Variants in ACAD8 observed in about 807,000 individuals in gnomAD.
The protein encoded by ACAD8 is acyl-CoA dehydrogenase family member 8, also known as isobutyryl-CoA dehydrogenase, mitochondrial.
In ACAD8, 47 loss-of-function variants were observed where a neutral mutation model predicts 53.1. The observed-to-expected ratio is 0.89, with a 90% CI of 0.70 to 1.13. ACAD8 has a LOEUF of 1.13. Among genes scored for constraint, ACAD8 ranks in the 50% most tolerant of loss-of-function variants. ACAD8 has a pLI of 0.00. For synonymous variants in ACAD8, 198 were observed against 201.3 expected (o/e 0.98, Z 0.14); for missense variants, 494 against 535.0 (o/e 0.92, Z 0.76).
At chr11:134,257,280 C>T (rs1226948600) in intron 3 of ACAD8, 23 bp downstream of exon 3, 2 of 1,613,662 alleles carry the variant, frequency 1.2e-6, no homozygotes, top group Admixed American at 3.3e-5. Flanking sequence ...GCTTGGAAGG[C>T]ACAATGAAGT....
chr11:134,253,633 G>A lies in ACAD8; in HGVS notation c.33G>A (p.Ala11=), dbSNP rs1038382557. 6 of 1,584,588 alleles carry A rather than the reference G, an allele frequency of 3.8e-6. No homozygotes were observed. Among genetic ancestry groups the A allele is most frequent in the Non-Finnish European group, 5.1e-6 (6 of 1,168,566 alleles). Residue 11 remains alanine (A), a synonymous_variant, in exon 1 of 11, where the codon GCG becomes GCA. Transcript: ENST00000281182. ...GGAGCGGCTGCCGGCGTTTCGGGGC[G>A]CGCCTCGGCTGCCTGCCCGGCGGTC... The part of the protein sequence containing the change: MLWSGCRRFG[A]RLGCLPGGLR...
At chr11:134,260,044 C>T (rs1466974803) in intron 6 of ACAD8, 2 of 1,234,222 alleles carry the variant, frequency 1.6e-6, no homozygotes, top group Non-Finnish European at 1.0e-6. Flanking sequence ...TACGTTGGTG[C>T]ACTTTGTTGC....
At chr11:134,262,369 A>G (rs773618005) in intron 9 of ACAD8, 151 bp from the exon 10 acceptor site, 19 of 674,012 alleles carry the variant, frequency 2.8e-5, no homozygotes, top group Non-Finnish European at 5.1e-5. Flanking sequence ...CTAACCATAC[A>G]GAATGTGGAG....
At chr11:134,262,258 G>T in intron 9 of ACAD8, 1 of 655,914 alleles carries the variant, frequency 1.5e-6, no homozygotes, top group Non-Finnish European at 2.8e-6. Flanking sequence ...GGTGGCTGTG[G>T]GCAGCTTCTG....
rs71486999 is a variant in ACAD8, at chr11:134,262,810, C to T, written c.1195+188C>T. 0.052 allele frequency: 76,211 copies of T among 1,476,482 alleles called. 4,479 individuals are homozygous for T. The highest frequency in any genetic ancestry group is 0.3 in the African/African-American group (21,739 of 71,728). 91.5% of individuals were successfully genotyped at this position (1,476,482 alleles called of 1,614,324 possible). ...GGCCTGGAGTCCAGAGCCGCAGCTT[C>T]GTCCCTTTCGGGGGGCCTCAGATCG... On this transcript the variant is annotated intron_variant, in intron 10 of 10. Transcript: ENST00000281182.
chr11:134,257,386 T>C, intron 3 of ACAD8, 129 bp downstream of exon 3: 1 of 1,225,428 alleles, frequency 8.2e-7, no homozygotes, highest in Non-Finnish European at 1.2e-6. Context: ...AAAAGTACAC[T>C]CTAGGGGCCG....
Position 134,257,102 on chromosome 11 carries a change from G to A in ACAD8, c.225G>A (p.Val75=). Residue 75 remains valine, a synonymous_variant, in exon 3 of 11, where the codon GTG becomes GTA. Coordinates refer to ENST00000281182, the MANE Select transcript of ACAD8 (RefSeq NM_014384.3). ...AEWDQKELFP[V]DVMRKAAQLG... Reference sequence around the variant, plus strand: ...TTTGTACATAGGAGCTGTTCCCAGTGGATGTGATGCGGAAGGCAGCCCAGC... The same window carrying A: ...TTTGTACATAGGAGCTGTTCCCAGTAGATGTGATGCGGAAGGCAGCCCAGC... 1 of 1,614,170 alleles carries A rather than the reference G, an allele frequency of 6.2e-7. No individual in the cohort carries two copies. Among genetic ancestry groups the A allele is most frequent in the Admixed American group, 1.7e-5 (1 of 60,018 alleles).
chr11:134,261,731 G>A lies in ACAD8; in HGVS notation c.940-7G>A. 1 of 1,613,350 alleles carries A rather than the reference G, an allele frequency of 6.2e-7. No individual in the cohort carries two copies. The highest frequency in any genetic ancestry group is 1.3e-5 in the African/African-American group (1 of 74,984). The stretch of plus-strand genomic sequence containing the variant: ...TCTTGTCTGGTTCTCTGCTCCCTGT[G>A]CTGCAGTACTTGCAATTCACACTGG... On this transcript the variant is annotated splice_region_variant and splice_polypyrimidine_tract_variant and intron_variant, in intron 8 of 10. Coordinates refer to ENST00000281182, the MANE Select transcript of ACAD8 (RefSeq NM_014384.3). The surrounding 1 kb of genome is among the most constrained non-coding windows in gnomAD (Gnocchi z 4.2).
rs377629003 is a variant in ACAD8, at chr11:134,257,112, C to G, written c.235C>G (p.Arg79Gly). Residue 79 changes from arginine to glycine, a missense_variant, in exon 3 of 11, where the codon CGG (arginine) becomes GGG (glycine). Physicochemically the swap from Arg to Gly is moderately radical, Grantham distance 125 (BLOSUM62 -2). Coordinates refer to ENST00000281182, the MANE Select transcript of ACAD8 (RefSeq NM_014384.3). The stretch of plus-strand genomic sequence containing the variant: ...GGAGCTGTTCCCAGTGGATGTGATG[C>G]GGAAGGCAGCCCAGCTAGGCTTCGG... ...QKELFPVDVM[R>G]KAAQLGFGGV... is the part of the protein sequence containing the mutation. 2.5e-6 allele frequency: 4 copies of G among 1,614,122 alleles called. No homozygotes were observed. In the East Asian group the frequency reaches 6.7e-5, roughly 27 times the overall value.
chr11:134,263,106 G>T lies in ACAD8; in HGVS notation c.1195+484G>T. The T allele has an allele frequency of 5.3e-6, 6 of 1,138,916 alleles. No homozygotes were observed. In the South Asian group the frequency reaches 9.6e-5, roughly 18 times the overall value. 70.6% of individuals were successfully genotyped at this position (1,138,916 alleles called of 1,614,324 possible). A position where few individuals can be genotyped will look rare whatever the true frequency, so the allele number is the denominator to read the frequency against. On this transcript the variant is annotated intron_variant, in intron 10 of 10. Coordinates refer to ENST00000281182, the MANE Select transcript of ACAD8 (RefSeq NM_014384.3). Reference sequence around the variant, plus strand: ...AATAAAATAAACCATCACTATATGGGTATCTTCTTGGTAGTCACAGACATT... The same window carrying T: ...AATAAAATAAACCATCACTATATGGTTATCTTCTTGGTAGTCACAGACATT...
chr11:134,265,032 C>T lies in ACAD8; in HGVS notation c.*72C>T. Reference sequence around the variant, plus strand: ...GTTGAGTGGTGCCATGTGGGCCGCTCTATTCCAAAGGAATCATGGATTAGA... The same window carrying T: ...GTTGAGTGGTGCCATGTGGGCCGCTTTATTCCAAAGGAATCATGGATTAGA... On this transcript the variant is annotated 3_prime_UTR_variant, in exon 11 of 11. Coordinates refer to ENST00000281182, the MANE Select transcript of ACAD8 (RefSeq NM_014384.3). The T allele has an allele frequency of 6.6e-7, 1 of 1,518,556 alleles. No homozygotes were observed. The highest frequency in any genetic ancestry group is 9.1e-7 in the Non-Finnish European group (1 of 1,094,020). The allele number at this position is 1,518,556 out of a possible 1,614,324, so 94.1% of individuals were successfully genotyped here.
chr11:134,260,957 C>A, intron 6 of ACAD8, 87 bp from the exon 7 acceptor site: 1 of 1,518,162 alleles, frequency 6.6e-7, no homozygotes, highest in Non-Finnish European at 9.0e-7. Context: ...GGTGCTGAAA[C>A]CCATACCTCA....
Position 134,265,082 on chromosome 11 carries a change from C to A in ACAD8, c.*122C>A. ...ACCCAAGGGCTGAGCTCCTCTAGGG[C>A]AGGACCTGCACCCTGTGTGTTGGCA... is the stretch of plus-strand genomic sequence containing the variant. On this transcript the variant is annotated 3_prime_UTR_variant, in exon 11 of 11. Transcript: ENST00000281182. 9.5e-7 allele frequency: 1 copy of A among 1,058,138 alleles called. No individual in the cohort carries two copies. The highest frequency in any genetic ancestry group is 1.5e-6 in the Non-Finnish European group (1 of 682,142). The allele number at this position is 1,058,138 out of a possible 1,614,324, so 65.5% of individuals were successfully genotyped here.
In ACAD8 at chr11:134,253,591, T is replaced by G; in HGVS notation, c.-10T>G. ...TCAGACTCTTAGCTGAACGCGGAGC[T>G]GCGGCGGCTATGCTGTGGAGCGGCT... On this transcript the variant is annotated 5_prime_UTR_variant, in exon 1 of 11. Coordinates refer to ENST00000281182, the MANE Select transcript of ACAD8 (RefSeq NM_014384.3). 6.4e-7 allele frequency: 1 copy of G among 1,574,788 alleles called. No homozygotes were observed. The highest frequency in any genetic ancestry group is 8.6e-7 in the Non-Finnish European group (1 of 1,162,834).
intron 5 of ACAD8, 95 bp downstream of exon 5, chr11:134,259,179 C>CA: frequency 9.0e-7 from 1 of 1,108,364 alleles, no homozygotes; most frequent in Non-Finnish European, 1.4e-6. Flanking sequence ...TTAATACTCC[C>CA]ATAGGATTTT....
chr11:134,255,224 C>T (rs1939442682), intron 1 of ACAD8, among the ~76,000 whole-genome samples: 1 of 152,298 alleles, frequency 6.6e-6, no homozygotes, highest in African/African-American at 2.4e-5. Flanking sequence ...GCAACCTCTG[C>T]CCCACGGGTT....
intron 10 of ACAD8, chr11:134,263,720 C>G: frequency 1.0e-6 from 1 of 984,652 alleles, no homozygotes; most frequent in Non-Finnish European, 1.2e-6. Context: ...TTCATTCTAA[C>G]TCTCTCTCCA....
intron 9 of ACAD8, 197 bp downstream of exon 9, chr11:134,262,087 C>G (rs977845815): frequency 2.8e-6 from 2 of 701,958 alleles, no homozygotes; most frequent in African/African-American, 3.5e-5. Context: ...CTGCTGCATG[C>G]CATTATACAC....
At position 134,256,534 on chromosome 11, in the gene ACAD8, A is replaced by C. The variant is rs375143456; in HGVS notation, c.110-14A>C. ...GACCCTGTCCTAGAACAGTATATGC[A>C]ATCCTGCCCACAGCTTCCATGGGAC... On this transcript the variant is annotated splice_polypyrimidine_tract_variant and intron_variant, in intron 1 of 10. Transcript: ENST00000281182. 6.2e-7 allele frequency: 1 copy of C among 1,612,030 alleles called. No individual in the cohort carries two copies. Among genetic ancestry groups the C allele is most frequent in the East Asian group, 2.2e-5 (1 of 44,868 alleles).
Sources: gnomAD v4.1 joint callset for allele counts (sites outside exome capture counted in the v4.1 genomes callset) on GRCh38, gnomAD v4.1.1 for gene constraint, Gnocchi (gnomAD v3.1) non-coding constraint, MANE v1.5 for transcripts, NCBI Gene and HGNC (gene_info 2026-07-23, HGNC 2026-07-21) for gene names.